Variants in LMX1B observed in about 807,000 individuals in gnomAD.
LMX1B encodes the protein LIM homeobox transcription factor 1-beta.
A neutral mutation model predicts 51.4 loss-of-function variants in LMX1B; 12 were observed. The ratio of observed to expected loss-of-function variants is 0.23; its 90% confidence interval spans 0.15 to 0.38. The LOEUF (loss-of-function observed/expected upper bound fraction) is 0.38. Ranked by LOEUF, LMX1B falls within the 10% of genes least tolerant of loss-of-function variation. The pLI is 1.00. For missense variants in LMX1B, 445 were observed against 571.1 expected, an observed-to-expected ratio of 0.78 and a Z score of 2.25; for synonymous variants, 237 against 235.4, an observed-to-expected ratio of 1.01 and a Z score of -0.06.
intron 2 of LMX1B, among the ~76,000 whole-genome samples, chr9:126,666,545 A>C (rs530711187): frequency 6.7e-6 from 1 of 148,240 alleles, no homozygotes; most frequent in Non-Finnish European, 1.5e-5. Context: ...AAAAGGAAGA[A>C]GGGAAGTGAG....
intron 3 of LMX1B, among the ~76,000 whole-genome samples, chr9:126,692,505 A>G (rs2030166342): frequency 2.0e-5 from 3 of 152,204 alleles, no homozygotes; most frequent in African/African-American, 4.8e-5. Context: ...GTGTCTGTCC[A>G]GATGCATGCA....
intron 2 of LMX1B, among the ~76,000 whole-genome samples, chr9:126,675,566 A>G (rs1179060067): frequency 6.6e-6 from 1 of 150,934 alleles, no homozygotes; most frequent in Non-Finnish European, 1.5e-5. Flanking sequence ...CTCTATTAAA[A>G]GTACAAAAAT....
At chr9:126,678,657 A>G (rs1228578711) in intron 2 of LMX1B, among the ~76,000 whole-genome samples, 1 of 152,226 alleles carries the variant, frequency 6.6e-6, no homozygotes, top group East Asian at 1.9e-4. Flanking sequence ...TATAACTGAC[A>G]ACGGTGACAC....
rs760746774 is a variant in LMX1B, at chr9:126,696,497, C to G, written c.*46C>G. On this transcript the variant is annotated 3_prime_UTR_variant, in exon 8 of 8. Transcript: ENST00000373474. ...CGCTTGGGCAGGGGCCTGGGGGGGA[C>G]TGCCAGCCTCTGCGGCCAGCCTGGC... The G allele has an allele frequency of 6.2e-7, 1 of 1,608,666 alleles. No homozygotes were observed. Among genetic ancestry groups the G allele is most frequent in the Non-Finnish European group, 8.5e-7 (1 of 1,176,276 alleles).
At chr9:126,642,386 C>T (rs756056041) in intron 2 of LMX1B, among the ~76,000 whole-genome samples, 1 of 152,242 alleles carries the variant, frequency 6.6e-6, no homozygotes, top group Non-Finnish European at 1.5e-5. Context: ...CACCGTCTTT[C>T]TTCCACCCGC....
chr9:126,676,463 A>G (rs1279370754), intron 2 of LMX1B, among the ~76,000 whole-genome samples: 2 of 152,226 alleles, frequency 1.3e-5, no homozygotes, highest in African/African-American at 4.8e-5. Flanking sequence ...ATGAAGTGGC[A>G]GGAAGAGGAG....
chr9:126,649,687 G>A (rs578031044), intron 2 of LMX1B, among the ~76,000 whole-genome samples: 62 of 152,252 alleles, frequency 4.1e-4, no homozygotes, highest in South Asian at 1.0e-3. Context: ...GTGCAGTGGC[G>A]CAGTCTTGGC....
At chr9:126,660,207 T>TGGGGGG (rs1836215574) in intron 2 of LMX1B, among the ~76,000 whole-genome samples, 2 of 113,316 alleles carry the variant, frequency 1.8e-5, no homozygotes, top group African/African-American at 3.2e-5. Context: ...GGTTGTCCTG[T>TGGGGGG]GTGGGGGTGT....
chr9:126,667,555 G>A (rs750087205), intron 2 of LMX1B, among the ~76,000 whole-genome samples: 8 of 152,242 alleles, frequency 5.3e-5, no homozygotes, highest in Non-Finnish European at 8.8e-5. Flanking sequence ...GCCAGTAAAG[G>A]GGTCTGGATC....
rs1434714790 is a variant in LMX1B, at chr9:126,614,039, G to A, written c.-411G>A. On this transcript the variant is annotated 5_prime_UTR_variant, in exon 1 of 8. Coordinates refer to ENST00000373474, the MANE Select transcript of LMX1B (RefSeq NM_001174147.2). ...TGCGCCCCGCCCGGGACCCCGCTGCGCCGCGCGCCCCCCCCGCGGCCCGCG... is the reference window on the plus strand; with the variant it reads ...TGCGCCCCGCCCGGGACCCCGCTGCACCGCGCGCCCCCCCCGCGGCCCGCG... Among the ~76,000 whole-genome samples the A allele has an allele frequency of 8.8e-6, 1 of 114,104 alleles. No homozygotes were observed. The highest frequency in any genetic ancestry group is 2.0e-5 in the Non-Finnish European group (1 of 50,840). The allele number at this position is 114,104 out of a possible 152,430, so 74.9% of individuals were successfully genotyped here.
rs147333150 is a variant in LMX1B at position 126,690,832 on chromosome 9, G to A, written c.327-4G>A. ...GCCAACACGCCCGCTTTGTGCATCC[G>A]CAGGCTCTTCGCGGCCAAGTGCAGC... On this transcript the variant is annotated splice_region_variant and splice_polypyrimidine_tract_variant and intron_variant, in intron 2 of 7. Transcript: ENST00000373474. 4.4e-5 allele frequency: 71 copies of A among 1,604,620 alleles called. 1 individual carries two copies. Among genetic ancestry groups the A allele is most frequent in the South Asian group, 7.8e-5 (7 of 90,086 alleles).
At chr9:126,661,583 C>T (rs1413249581) in intron 2 of LMX1B, among the ~76,000 whole-genome samples, 1 of 152,166 alleles carries the variant, frequency 6.6e-6, no homozygotes, top group Non-Finnish European at 1.5e-5. Flanking sequence ...ACAAGGGAGG[C>T]CCCTCCCTCC....
intron 2 of LMX1B, among the ~76,000 whole-genome samples, chr9:126,638,034 A>T (rs934314665): frequency 7.9e-5 from 12 of 151,084 alleles, no homozygotes; most frequent in Non-Finnish European, 1.5e-5. Flanking sequence ...GCTTTGGCCC[A>T]TGGCAGGCAG....
intron 2 of LMX1B, among the ~76,000 whole-genome samples, chr9:126,648,291 C>T (rs942370467): frequency 3.0e-4 from 46 of 152,162 alleles, no homozygotes; most frequent in African/African-American, 9.9e-4. Context: ...GAGTTATAGG[C>T]GCATTAAGGA....
At position 126,677,774 on chromosome 9, in the gene LMX1B, A is replaced by G. The variant is rs1172504289; in HGVS notation, c.327-13062A>G. Among the ~76,000 whole-genome samples, 1 of 152,216 alleles carries G rather than the reference A, an allele frequency of 6.6e-6. No individual in the cohort carries two copies. The highest frequency in any genetic ancestry group is 1.9e-4 in the East Asian group (1 of 5,196). On this transcript the variant is annotated intron_variant, in intron 2 of 7. Transcript: ENST00000373474. The surrounding 1 kb of genome is among the most constrained non-coding windows in gnomAD (Gnocchi z 5.0). ...TGCGTTCAAACATTCGAGCAGGAGC[A>G]CAGGGCATGTACTCAGGGCATTGCG...
intron 2 of LMX1B, among the ~76,000 whole-genome samples, chr9:126,616,218 C>T (rs1010538277): frequency 6.6e-6 from 1 of 152,230 alleles, no homozygotes; most frequent in Non-Finnish European, 1.5e-5. Context: ...CAATTTGGGG[C>T]TCCCAATGGG....
intron 2 of LMX1B, among the ~76,000 whole-genome samples, chr9:126,634,559 G>A (rs2118867246): frequency 6.6e-6 from 1 of 152,004 alleles, no homozygotes; most frequent in East Asian, 1.9e-4. Flanking sequence ...GAGATTTTCA[G>A]TTACCCACCT....
chr9:126,652,933 C>T (rs1364563759), intron 2 of LMX1B, among the ~76,000 whole-genome samples: 1 of 152,054 alleles, frequency 6.6e-6, no homozygotes, highest in South Asian at 2.1e-4. Context: ...GGCCAAGGCA[C>T]GGGCCAGATC....
Position 126,690,859 on chromosome 9 carries a change from G to T in LMX1B, c.350G>T (p.Gly117Val), listed in dbSNP as rs2030095421. ...AGGCTCTTCGCGGCCAAGTGCAGCG[G>T]CTGCATGGAGAAGATCGCCCCCACC... is the stretch of plus-strand genomic sequence containing the variant. ...YQQLFAAKCS[G>V]CMEKIAPTEF... is the part of the protein sequence containing the mutation. The change falls in exon 3 of 8, where the codon GGC becomes GTC. Residue 117 changes from glycine to valine, a missense_variant. Coordinates refer to ENST00000373474, the MANE Select transcript of LMX1B (RefSeq NM_001174147.2). 1.2e-6 allele frequency: 2 copies of T among 1,612,458 alleles called. No homozygotes were observed. Among genetic ancestry groups the T allele is most frequent in the Non-Finnish European group, 1.7e-6 (2 of 1,179,754 alleles).
Sources: gnomAD v4.1 joint callset for allele counts (sites outside exome capture counted in the v4.1 genomes callset) on GRCh38, gnomAD v4.1.1 for gene constraint, Gnocchi (gnomAD v3.1) non-coding constraint, MANE v1.5 for transcripts, NCBI Gene and HGNC (gene_info 2026-07-23, HGNC 2026-07-21) for gene names.